Variants in NPAS1 observed in about 807,000 individuals in gnomAD.
The protein encoded by NPAS1 is neuronal PAS domain protein 1, also known as neuronal PAS domain-containing protein 1.
Under a neutral mutation model 49.2 loss-of-function variants are expected in NPAS1, and 29 were observed. The observed-to-expected ratio is 0.59, with a 90% CI of 0.44 to 0.80. The LOEUF (loss-of-function observed/expected upper bound fraction) is 0.80, where lower values mean the gene tolerates loss of function less well. Ranked by LOEUF, NPAS1 falls within the 30% of genes least tolerant of loss-of-function variation. The pLI, the probability that NPAS1 is intolerant of heterozygous loss-of-function variation, is 0.00. For synonymous variants in NPAS1, 408 were observed against 380.4 expected, an observed-to-expected ratio of 1.07 and a Z score of -0.84; for missense variants, 825 against 835.5, an observed-to-expected ratio of 0.99 and a Z score of 0.15.
chr19:47,030,249 C>T (rs1568502453), intron 3 of NPAS1, among the ~76,000 whole-genome samples: 1 of 152,116 alleles, frequency 6.6e-6, no homozygotes, highest in Non-Finnish European at 1.5e-5. Context: ...GTCTCAAACT[C>T]CTGACCTTGT....
In NPAS1 at chr19:47,019,991, C is replaced by A; in HGVS notation, c.-49C>A. 2.5e-6 allele frequency: 1 copy of A among 395,092 alleles called. No homozygotes were observed. Among genetic ancestry groups the A allele is most frequent in the South Asian group, 1.3e-4 (1 of 7,832 alleles). 24.5% of individuals were successfully genotyped at this position (395,092 alleles called of 1,614,324 possible). A position where few individuals can be genotyped will look rare whatever the true frequency, so the allele number is the denominator to read the frequency against. Reference sequence around the variant, plus strand: ...GCGGCCAAGTAATCGGACTGGCGGTCCTGCGGGTAGGGGAAGCTTGCGGGC... The same window carrying A: ...GCGGCCAAGTAATCGGACTGGCGGTACTGCGGGTAGGGGAAGCTTGCGGGC... On this transcript the variant is annotated 5_prime_UTR_variant, in exon 1 of 12. Transcript: ENST00000602212.
At chr19:47,042,661 C>G in intron 10 of NPAS1, 149 bp from the exon 11 acceptor site, 1 of 546,850 alleles carries the variant, frequency 1.8e-6, no homozygotes, top group Non-Finnish European at 3.2e-6. Context: ...GTTTAGGGAT[C>G]TGGTGTTGAG....
At chr19:47,042,420 G>T (rs2057031464) in intron 10 of NPAS1, among the ~76,000 whole-genome samples, 1 of 152,218 alleles carries the variant, frequency 6.6e-6, no homozygotes, top group African/African-American at 2.4e-5. Context: ...CCTGGGAAGT[G>T]CCAGACTCTA....
chr19:47,027,673 C>T lies in NPAS1; in HGVS notation c.359-4605C>T. 3.9e-5 allele frequency among the ~76,000 whole-genome samples: 3 copies of T among 76,880 alleles called. 1 individual carries two copies. The highest frequency in any genetic ancestry group is 9.5e-5 in the Non-Finnish European group (3 of 31,716). The allele number at this position is 76,880 out of a possible 152,430, so 50.4% of individuals were successfully genotyped here. On this transcript the variant is annotated intron_variant, in intron 3 of 11. Transcript: ENST00000602212. ...CTGCCCCTGGTCTCCCTTCTCTCTG[C>T]CCCTGGTCTCCTGTCTGTCTGCCCC...
chr19:47,035,622 G>C (rs1280054495), intron 5 of NPAS1, among the ~76,000 whole-genome samples: 1 of 152,172 alleles, frequency 6.6e-6, no homozygotes, highest in African/African-American at 2.4e-5. Context: ...TTCATGCCAG[G>C]GCACAGTTGT....
In NPAS1 at chr19:47,032,675, G is replaced by A. The variant is rs1314555313; in HGVS notation, c.465G>A (p.Gln155=). 3 of 1,614,054 alleles carry A rather than the reference G, an allele frequency of 1.9e-6. No homozygotes were observed. The highest frequency in any genetic ancestry group is 2.5e-6 in the Non-Finnish European group (3 of 1,180,016). Residue 155 remains glutamine, a synonymous_variant, in exon 5 of 12, where the codon CAG becomes CAA. Transcript: ENST00000602212. ...ATGGCTTTGTGTTCGCCTTGAACCA[G>A]GAAGGAAAATTCCTCTACATCTCAG... ...SLDGFVFALN[Q]EGKFLYISET...
chr19:47,037,052 G>GAAAAAA (rs150861252), intron 6 of NPAS1, among the ~76,000 whole-genome samples: 1 of 120,644 alleles, frequency 8.3e-6, no homozygotes, highest in Non-Finnish European at 1.7e-5. Flanking sequence ...CCAGTGTCTG[G>GAAAAAA]AAAAAAAAAA....
chr19:47,027,341 C>CCCCAGGTCCCCCCCTCTCTGT (rs1265581935), intron 3 of NPAS1, among the ~76,000 whole-genome samples: 8 of 147,310 alleles, frequency 5.4e-5, no homozygotes, highest in Admixed American at 4.1e-4. Flanking sequence ...CCTCTCTCTG[C>CCCCAGGTCCCCCCCTCTCTGT]CCCAGGTCCC....
chr19:47,023,877 C>T (rs2056856736), intron 3 of NPAS1, among the ~76,000 whole-genome samples: 1 of 152,058 alleles, frequency 6.6e-6, no homozygotes, highest in Non-Finnish European at 1.5e-5. Context: ...GAGGCCAAGG[C>T]GGGCAGATCA....
At chr19:47,032,216 G>C (rs1365026298) in intron 3 of NPAS1, 62 bp from the exon 4 acceptor site, 39 of 1,485,736 alleles carry the variant, frequency 2.6e-5, no homozygotes, top group Non-Finnish European at 1.9e-6. Flanking sequence ...ACTGGCTCCC[G>C]GGGGACCTGC....
chr19:47,039,000 C>T, intron 6 of NPAS1, 36 bp from the exon 7 acceptor site: 1 of 1,588,540 alleles, frequency 6.3e-7, no homozygotes, highest in African/African-American at 1.3e-5. Flanking sequence ...GTTTCCTCTT[C>T]AGGACCCCAT....
Position 47,045,309 on chromosome 19 carries a change from C to T in NPAS1, c.1431C>T (p.Asp477=). 6.2e-7 allele frequency: 1 copy of T among 1,614,052 alleles called. No individual in the cohort carries two copies. The highest frequency in any genetic ancestry group is 8.5e-7 in the Non-Finnish European group (1 of 1,180,020). ...CGAGGGAAACCAAAGGCTCCGAGGA[C>T]AGTGGCGACGAGGATCCCTCCAGCC... ...PGPRETKGSE[D]SGDEDPSSHP... is the part of the protein sequence containing the mutation. Residue 477 remains aspartate (D), a synonymous_variant, in exon 12 of 12, where the codon GAC becomes GAT. Coordinates refer to ENST00000602212, the MANE Select transcript of NPAS1 (RefSeq NM_002517.4).
chr19:47,037,467 C>A (rs909913536), intron 6 of NPAS1, among the ~76,000 whole-genome samples: 5 of 151,762 alleles, frequency 3.3e-5, no homozygotes, highest in African/African-American at 1.2e-4. Flanking sequence ...AAGTTAATTG[C>A]CCCCAGGTCA....
intron 10 of NPAS1, among the ~76,000 whole-genome samples, chr19:47,042,391 G>C (rs1380600896): frequency 6.6e-6 from 1 of 152,194 alleles, no homozygotes; most frequent in East Asian, 1.9e-4. Context: ...GGAGGACCAG[G>C]GCAGAGGCTG....
At chr19:47,025,413 G>A (rs1464650950) in intron 3 of NPAS1, among the ~76,000 whole-genome samples, 1 of 119,438 alleles carries the variant, frequency 8.4e-6, no homozygotes, top group Non-Finnish European at 1.9e-5. Flanking sequence ...CTAATAGCTG[G>A]GATTACAGGC....
intron 3 of NPAS1, among the ~76,000 whole-genome samples, chr19:47,028,721 G>C (rs1327559501): frequency 6.6e-6 from 1 of 152,144 alleles, no homozygotes; most frequent in East Asian, 1.9e-4. Flanking sequence ...CCTGACAGGA[G>C]ACCTGGCCCC....
At chr19:47,037,562 A>G (rs1265697780) in intron 6 of NPAS1, among the ~76,000 whole-genome samples, 1 of 151,848 alleles carries the variant, frequency 6.6e-6, no homozygotes, top group East Asian at 1.9e-4. Context: ...TCCAGTGGAA[A>G]TTTCCACTCC....
chr19:47,041,707 G>T (rs1376079532), intron 10 of NPAS1, among the ~76,000 whole-genome samples: 1 of 152,178 alleles, frequency 6.6e-6, no homozygotes, highest in Non-Finnish European at 1.5e-5. Flanking sequence ...GGACATGGTG[G>T]CTCATGCCTG....
chr19:47,033,975 TAAAAA>T (rs532811476), intron 5 of NPAS1, among the ~76,000 whole-genome samples: 8 of 100,820 alleles, frequency 7.9e-5, no homozygotes, highest in African/African-American at 2.7e-4. Flanking sequence ...GGCTATGCCT[TAAAAA>T]AAAAAAAAAA....
Sources: gnomAD v4.1 joint callset for allele counts (sites outside exome capture counted in the v4.1 genomes callset) on GRCh38, gnomAD v4.1.1 for gene constraint, MANE v1.5 for transcripts, NCBI Gene and HGNC (gene_info 2026-07-23, HGNC 2026-07-21) for gene names.